BMS1: variants seen among roughly 807,000 people sequenced by gnomAD.
BMS1 encodes the protein BMS1 ribosome biogenesis factor, also known as ribosome biogenesis protein BMS1 homolog.
In BMS1, 53 loss-of-function variants were observed where a neutral mutation model predicts 138.7. The ratio of observed to expected loss-of-function variants is 0.38; its 90% CI spans 0.31 to 0.48. BMS1 has a LOEUF of 0.48. Ranked by LOEUF, BMS1 falls within the 20% of genes least tolerant of loss-of-function variation. The pLI is 0.97. For synonymous variants in BMS1, 504 were observed against 539.9 expected (o/e 0.93, Z 0.92); for missense variants, 1,360 against 1,565.5 (o/e 0.87, Z 2.22).
At chr10:42,800,375 C>T (rs1370670849) in intron 12 of BMS1, among the ~76,000 whole-genome samples, 1 of 152,082 alleles carries the variant, frequency 6.6e-6, no homozygotes, top group Admixed American at 6.5e-5. Context: ...GTGCTCAATG[C>T]CTAGAACCAT....
At position 42,803,364 on chromosome 10, in the gene BMS1, C is replaced by A. The variant is rs184260930; in HGVS notation, c.2329+1146C>A. On this transcript the variant is annotated intron_variant, in intron 13 of 22. Transcript: ENST00000374518. ...CATGTTGCCTAGCTGGCCTTGAATTCCTGGGCTTAAGCAATCTTCCCGCCT... is the reference window on the plus strand; with the variant it reads ...CATGTTGCCTAGCTGGCCTTGAATTACTGGGCTTAAGCAATCTTCCCGCCT... Among the ~76,000 whole-genome samples, 96 of 152,202 alleles carry A rather than the reference C, an allele frequency of 6.3e-4. No individual in the cohort carries two copies. In the Middle Eastern group the frequency reaches 0.027, roughly 43 times the overall value.
chr10:42,831,176 A>G lies in BMS1; in HGVS notation c.*80A>G. 1 of 1,384,196 alleles carries G rather than the reference A, an allele frequency of 7.2e-7. No homozygotes were observed. The allele number at this position is 1,384,196 out of a possible 1,614,324, so 85.7% of individuals were successfully genotyped here. Reference sequence around the variant, plus strand: ...ATCACAGTTTGAATGCCTGTGAATGACAAGTCAGTGGGAAAGAGCTCAAGA... The same window carrying G: ...ATCACAGTTTGAATGCCTGTGAATGGCAAGTCAGTGGGAAAGAGCTCAAGA... On this transcript the variant is annotated 3_prime_UTR_variant, in exon 23 of 23. Coordinates refer to ENST00000374518, the MANE Select transcript of BMS1 (RefSeq NM_014753.4).
At chr10:42,817,615 C>T (rs1842386441) in intron 15 of BMS1, 121 bp downstream of exon 15, 9 of 944,320 alleles carry the variant, frequency 9.5e-6, no homozygotes, top group Non-Finnish European at 1.4e-5. Flanking sequence ...CTGTGCCTTT[C>T]ATTCGGACTC....
At position 42,811,771 on chromosome 10, in the gene BMS1, G is replaced by A. The variant is rs374734253; in HGVS notation, c.2330-4828G>A. On this transcript the variant is annotated intron_variant, in intron 13 of 22. Coordinates refer to ENST00000374518, the MANE Select transcript of BMS1 (RefSeq NM_014753.4). ...GATCTCCTGACCTCGTGATCCGCCC[G>A]CCTCGGCCTCCCAAAGTGCTGGGAT... 7.9e-5 allele frequency among the ~76,000 whole-genome samples: 12 copies of A among 151,734 alleles called. No homozygotes were observed. In the South Asian group the frequency reaches 8.3e-4, roughly 11 times the overall value.
intron 18 of BMS1, among the ~76,000 whole-genome samples, chr10:42,821,542 CTTTTTTTTTTTT>C (rs34272995): frequency 1.0e-3 from 69 of 68,620 alleles, no homozygotes; most frequent in African/African-American, 3.4e-3. Context: ...CTCAAGGCGC[CTTTTTTTTTTTT>C]TTTTTTTTTT....
At chr10:42,792,260 A>G (rs956121821) in intron 6 of BMS1, among the ~76,000 whole-genome samples, 3 of 152,174 alleles carry the variant, frequency 2.0e-5, no homozygotes, top group Non-Finnish European at 2.9e-5. Flanking sequence ...GGTGGACGTC[A>G]TCTCCCTGTC....
At chr10:42,788,760 A>G (rs1841416069) in intron 4 of BMS1, among the ~76,000 whole-genome samples, 4 of 152,234 alleles carry the variant, frequency 2.6e-5, no homozygotes, top group Non-Finnish European at 5.9e-5. Context: ...TGCAGGGTGC[A>G]CACAATGTGC....
chr10:42,809,952 A>ATTTTTTTTTTTTTTTTTT, intron 13 of BMS1, among the ~76,000 whole-genome samples: 1 of 114,024 alleles, frequency 8.8e-6, no homozygotes, highest in Non-Finnish European at 1.7e-5. Flanking sequence ...TGTCTGGCTA[A>ATTTTTTTTTTTTTTTTTT]TTTTTTTTTT....
chr10:42,827,284 G>A lies in BMS1; in HGVS notation c.3457-2977G>A, dbSNP rs540898834. On this transcript the variant is annotated intron_variant, in intron 21 of 22. Transcript: ENST00000374518. ...CTCAGACTTTTCAGACACAAGCAGG[G>A]TGAGCCAAATAAACCTTTTTTATAA... Among the ~76,000 whole-genome samples the A allele has an allele frequency of 1.5e-3, 227 of 152,232 alleles. 2 individuals carry two copies. The highest frequency in any genetic ancestry group is 2.2e-3 in the Non-Finnish European group (148 of 68,016).
At position 42,796,985 on chromosome 10, in the gene BMS1, C is replaced by T. The variant is rs769940820; in HGVS notation, c.1741C>T (p.His581Tyr). 1 of 1,614,182 alleles carries T rather than the reference C, an allele frequency of 6.2e-7. No homozygotes were observed. The highest frequency in any genetic ancestry group is 8.5e-7 in the Non-Finnish European group (1 of 1,180,034). Residue 581 changes from histidine (H) to tyrosine (Y), a missense_variant, in exon 10 of 23, where the codon CAT becomes TAT. Transcript: ENST00000374518. ...KAALPTFDSG[H>Y]CTAEEVFASE... is the part of the protein sequence containing the mutation. ...AGCTCTCCCCACTTTCGATTCTGGGCATTGCACAGCTGAAGAGGTGTTTGC... is the reference window on the plus strand; with the variant it reads ...AGCTCTCCCCACTTTCGATTCTGGGTATTGCACAGCTGAAGAGGTGTTTGC...
At chr10:42,816,509 C>A in intron 13 of BMS1, 90 bp from the exon 14 acceptor site, 1 of 1,027,698 alleles carries the variant, frequency 9.7e-7, no homozygotes, top group East Asian at 2.4e-5. Flanking sequence ...AGGCTTGGAA[C>A]GCAGAGCACA....
chr10:42,784,513 G>A lies in BMS1; in HGVS notation c.119G>A (p.Arg40Lys). 5.0e-6 allele frequency: 8 copies of A among 1,613,960 alleles called. No individual in the cohort carries two copies. Among genetic ancestry groups the A allele is most frequent in the Non-Finnish European group, 6.8e-6 (8 of 1,179,850 alleles). Residue 40 changes from arginine (R) to lysine (K), a missense_variant, in exon 2 of 23, where the codon AGA becomes AAA. Arg to Lys is a conservative substitution (Grantham distance 26). Around this residue, in one of 3 missense-constraint regions of BMS1, gnomAD observed 238 missense variants for 311.1 expected, o/e 0.77. Transcript: ENST00000374518. ...QLGDEEDARK[R>K]NPKAFAVQSA... Reference sequence around the variant, plus strand: ...GGAGACGAAGAAGATGCCCGGAAGAGAAATCCCAAAGCTTTTGCAGTTCAG... The same window carrying A: ...GGAGACGAAGAAGATGCCCGGAAGAAAAATCCCAAAGCTTTTGCAGTTCAG...
intron 4 of BMS1, among the ~76,000 whole-genome samples, chr10:42,788,762 A>G (rs951625234): frequency 1.1e-4 from 16 of 152,212 alleles, no homozygotes; most frequent in African/African-American, 3.9e-4. Flanking sequence ...CAGGGTGCAC[A>G]CAATGTGCAT....
At chr10:42,785,725 G>C in intron 3 of BMS1, 53 bp downstream of exon 3, 1 of 1,564,330 alleles carries the variant, frequency 6.4e-7, no homozygotes, top group Non-Finnish European at 8.8e-7. Flanking sequence ...TCATCTGAGG[G>C]ACATGCATGC....
Position 42,811,520 on chromosome 10 carries a change from CTTTTTCTTTTTT to C in BMS1, c.2330-5073_2330-5062del, listed in dbSNP as rs1379384735. 1.3e-4 allele frequency among the ~76,000 whole-genome samples: 16 copies of C among 121,582 alleles called. 1 individual carries two copies. The highest frequency in any genetic ancestry group is 5.4e-4 in the African/African-American group (16 of 29,874). 79.8% of individuals were successfully genotyped at this position (121,582 alleles called of 152,430 possible). A position where few individuals can be genotyped will look rare whatever the true frequency, so the allele number is the denominator to read the frequency against. On this transcript the variant is annotated intron_variant, in intron 13 of 22. Transcript: ENST00000374518. ...CACAAATGTTCACGTGTTGTATTTT[CTTTTTCTTTTTT>C]TTTTTTTTTTGAGACGGAGTCTCGC...
At chr10:42,812,561 A>G (rs1475204118) in intron 13 of BMS1, among the ~76,000 whole-genome samples, 1 of 152,164 alleles carries the variant, frequency 6.6e-6, no homozygotes, top group Non-Finnish European at 1.5e-5. Flanking sequence ...TTGGTGAAGG[A>G]GGGGTCCCTG....
intron 15 of BMS1, among the ~76,000 whole-genome samples, chr10:42,817,762 T>C (rs1472962394): frequency 6.6e-6 from 1 of 152,244 alleles, no homozygotes; most frequent in African/African-American, 2.4e-5. Context: ...ACATGGTCTC[T>C]ACTTTTGAGA....
intron 15 of BMS1, among the ~76,000 whole-genome samples, chr10:42,819,922 G>T (rs1842452770): frequency 6.6e-6 from 1 of 152,098 alleles, no homozygotes; most frequent in South Asian, 2.1e-4. Context: ...CTCCTGAGTA[G>T]CTGGGACTAC....
At chr10:42,792,001 C>T (rs950008719) in intron 6 of BMS1, among the ~76,000 whole-genome samples, 2 of 152,200 alleles carry the variant, frequency 1.3e-5, no homozygotes, top group Non-Finnish European at 2.9e-5. Context: ...TTTAAGGCTA[C>T]AGGATGTGGC....
Sources: gnomAD v4.1 joint callset for allele counts (sites outside exome capture counted in the v4.1 genomes callset) on GRCh38, gnomAD v4.1.1 for gene constraint, gnomAD v4.1.1 regional missense constraint, MANE v1.5 for transcripts, NCBI Gene and HGNC (gene_info 2026-07-23, HGNC 2026-07-21) for gene names.